PTPRA: variants seen among roughly 807,000 people sequenced by gnomAD.
PTPRA encodes the protein protein tyrosine phosphatase receptor type A.
In PTPRA, 25 loss-of-function variants were observed where a neutral mutation model predicts 104.8. The observed-to-expected ratio is 0.24, with a 90% confidence interval of 0.17 to 0.33. The LOEUF is 0.33. PTPRA is among the 10% of genes least tolerant of loss of function. The probability of loss-of-function intolerance (pLI) is 1.00; values close to 1 mark genes in which losing one functional copy is unlikely to be tolerated. For synonymous variants in PTPRA, 323 were observed against 368.9 expected (o/e 0.88, Z 1.43); for missense variants, 765 against 1,015.3 (o/e 0.75, Z 3.35).
intron 5 of PTPRA, among the ~76,000 whole-genome samples, chr20:2,971,316 T>G (rs889470539): frequency 2.6e-5 from 4 of 152,200 alleles, no homozygotes; most frequent in African/African-American, 9.6e-5. Flanking sequence ...GAAGTCTTTT[T>G]TTTTTAAATC....
intron 3 of PTPRA, among the ~76,000 whole-genome samples, chr20:2,956,799 G>T (rs2061553098): frequency 6.6e-6 from 1 of 152,166 alleles, no homozygotes; most frequent in East Asian, 1.9e-4. Flanking sequence ...GAATAACCTT[G>T]TACATGGGTC....
rs572395134 is a variant in PTPRA at position 3,016,576 on chromosome 20, C to T, written c.943+691C>T. 5.9e-5 allele frequency among the ~76,000 whole-genome samples: 9 copies of T among 152,252 alleles called. No individual in the cohort carries two copies. In the East Asian group the frequency reaches 1.2e-3, roughly 20 times the overall value. The stretch of plus-strand genomic sequence containing the variant: ...CAGCCTGGGCAACATAGTGAAACCC[C>T]GTCTCTACTAAAAATTAGCCAGGCG... On this transcript the variant is annotated intron_variant, in intron 12 of 23. Transcript: ENST00000399903.
rs566621202 is a variant in PTPRA at position 3,037,837 on chromosome 20, G to A, written c.2335-222G>A. Among the ~76,000 whole-genome samples the A allele has an allele frequency of 9.2e-5, 14 of 152,300 alleles. No individual in the cohort carries two copies. The highest frequency in any genetic ancestry group is 9.2e-4 in the Admixed American group (14 of 15,294). On this transcript the variant is annotated intron_variant, in intron 23 of 23. Transcript: ENST00000399903. This position sits in a 1 kb window ranked among gnomAD's most constrained non-coding sequence, Gnocchi z 4.3. ...CCTGTCTGACCTCTGTGGGGCCTGGGTCAGCTCTGGTCAGCTCTGCTTGTA... is the reference window on the plus strand; with the variant it reads ...CCTGTCTGACCTCTGTGGGGCCTGGATCAGCTCTGGTCAGCTCTGCTTGTA...
the PTPRA span, among the ~76,000 whole-genome samples, chr20:2,867,489 AGTG>A: frequency 9.5e-6 from 1 of 105,318 alleles, no homozygotes; most frequent in African/African-American, 4.8e-5. Flanking sequence ...TTGGCACTCC[AGTG>A]CACCCCCTCT....
chr20:2,929,209 C>T (rs2060419740), intron 2 of PTPRA, among the ~76,000 whole-genome samples: 1 of 151,844 alleles, frequency 6.6e-6, no homozygotes, highest in African/African-American at 2.4e-5. Flanking sequence ...GCCTCAGCCT[C>T]CCAAAGTGCT....
intron 6 of PTPRA, among the ~76,000 whole-genome samples, chr20:2,986,231 A>G (rs1386646670): frequency 1.3e-5 from 2 of 152,220 alleles, no homozygotes; most frequent in Non-Finnish European, 2.9e-5. Context: ...AATTAGGAAC[A>G]GTATTCTCTG....
Position 2,965,202 on chromosome 20 carries a change from G to A in PTPRA, c.415G>A (p.Gly139Ser). The A allele has an allele frequency of 2.5e-6, 4 of 1,600,204 alleles. No individual in the cohort carries two copies. Among genetic ancestry groups the A allele is most frequent in the Non-Finnish European group, 3.4e-6 (4 of 1,168,820 alleles). Residue 139 changes from glycine (G) to serine (S), a missense_variant and splice_region_variant, in exon 5 of 24, where the codon GGT becomes AGT. Physicochemically the swap from Gly to Ser is moderately conservative, Grantham distance 56 (BLOSUM62 0). Transcript: ENST00000399903. ...ATTPETFPPS[G>S]NSDSKDRRDE... is the part of the protein sequence containing the mutation. ...CACTCCAGAAACTTTCCCTCCTTCA[G>A]GTACTAGAGATGATTCTGTTTGTTC...
At chr20:2,882,040 C>T (rs186849894) in intron 1 of PTPRA, among the ~76,000 whole-genome samples, 77 of 152,226 alleles carry the variant, frequency 5.1e-4, no homozygotes, top group African/African-American at 1.5e-3. Context: ...ATACCCTTGG[C>T]AGATTCTTCC....
intron 1 of PTPRA, among the ~76,000 whole-genome samples, chr20:2,896,266 CT>C (rs1252518623): frequency 6.6e-6 from 1 of 152,092 alleles, no homozygotes; most frequent in Non-Finnish European, 1.5e-5. Context: ...GTAATCCCAG[CT>C]ACTAGGGAGG....
At chr20:3,023,515 A>G (rs1354383022) in intron 16 of PTPRA, among the ~76,000 whole-genome samples, 2 of 152,240 alleles carry the variant, frequency 1.3e-5, no homozygotes, top group African/African-American at 2.4e-5. Flanking sequence ...GCTGGCGGCA[A>G]TACTGCTCTT....
intron 5 of PTPRA, among the ~76,000 whole-genome samples, chr20:2,974,205 C>T (rs555198809): frequency 2.4e-4 from 36 of 152,004 alleles, no homozygotes; most frequent in African/African-American, 7.7e-4. Flanking sequence ...CTGCCCACTT[C>T]GGCCTCCCAA....
In PTPRA at chr20:2,953,533, G is replaced by A. The variant is rs557113520; in HGVS notation, c.-7+5509G>A. 3.9e-5 allele frequency among the ~76,000 whole-genome samples: 6 copies of A among 152,044 alleles called. No homozygotes were observed. The East Asian group carries it at 7.7e-4, about 20-fold the overall frequency. Reference sequence around the variant, plus strand: ...CTCCCGAAGTGCTGGGATTACAGGCGTGAGCCACTATGCCTGGCCATTTTT... The same window carrying A: ...CTCCCGAAGTGCTGGGATTACAGGCATGAGCCACTATGCCTGGCCATTTTT... On this transcript the variant is annotated intron_variant, in intron 3 of 23. Transcript: ENST00000399903.
At chr20:2,974,246 G>A (rs1201859799) in intron 5 of PTPRA, among the ~76,000 whole-genome samples, 1 of 151,758 alleles carries the variant, frequency 6.6e-6, no homozygotes, top group Non-Finnish European at 1.5e-5. Context: ...GAGCCACCGC[G>A]CCCGGCCGTC....
chr20:2,995,029 C>A (rs909927832), intron 9 of PTPRA, among the ~76,000 whole-genome samples: 3 of 152,272 alleles, frequency 2.0e-5, no homozygotes, highest in African/African-American at 7.2e-5. Context: ...ACTCGGGAGG[C>A]TGAGGCAGGA....
chr20:2,925,287 A>G (rs940329716), intron 2 of PTPRA, among the ~76,000 whole-genome samples: 1 of 152,164 alleles, frequency 6.6e-6, no homozygotes, highest in Non-Finnish European at 1.5e-5. Flanking sequence ...CATATTTGTC[A>G]TTTGACATCT....
At chr20:2,938,525 A>G (rs1174074348) in intron 2 of PTPRA, among the ~76,000 whole-genome samples, 3 of 151,306 alleles carry the variant, frequency 2.0e-5, no homozygotes, top group East Asian at 1.9e-4. Context: ...TTTTTTTTTC[A>G]TCTCTCCATT....
Position 3,031,132 on chromosome 20 carries a change from A to T in PTPRA, c.1920+3291A>T, listed in dbSNP as rs73086699. ...TAGGCCTAGCCCAACCCTAGGCCTC[A>T]TCCTGCTTCTCTAAAGCATAGTGAA... is the stretch of plus-strand genomic sequence containing the variant. On this transcript the variant is annotated intron_variant, in intron 20 of 23. Coordinates refer to ENST00000399903, the MANE Select transcript of PTPRA (RefSeq NM_001385305.1). Among the ~76,000 whole-genome samples the T allele has an allele frequency of 2.7e-3, 416 of 152,248 alleles. 2 individuals carry two copies. The highest frequency in any genetic ancestry group is 0.024 in the Middle Eastern group (7 of 294).
chr20:2,937,609 A>G (rs536776296), intron 2 of PTPRA, among the ~76,000 whole-genome samples: 1 of 152,266 alleles, frequency 6.6e-6, no homozygotes, highest in South Asian at 2.1e-4. Flanking sequence ...TATGCATAAC[A>G]TATATATGGA....
In PTPRA at chr20:3,035,291, CA is replaced by C. The variant is rs1323999658; in HGVS notation, c.1921-291del. ...TGGGAGAAAAAGAAAGGAATTGGAA[CA>C]AAGATTTTCACTCGTCCTCCTCTCC... On this transcript the variant is annotated intron_variant, in intron 20 of 23. Coordinates refer to ENST00000399903, the MANE Select transcript of PTPRA (RefSeq NM_001385305.1). This position sits in a 1 kb window ranked among gnomAD's most constrained non-coding sequence, Gnocchi z 5.8. Among the ~76,000 whole-genome samples the C allele has an allele frequency of 6.6e-6, 1 of 152,086 alleles. No homozygotes were observed. The highest frequency in any genetic ancestry group is 1.5e-5 in the Non-Finnish European group (1 of 68,004).
Sources: gnomAD v4.1 joint callset for allele counts (sites outside exome capture counted in the v4.1 genomes callset) on GRCh38, gnomAD v4.1.1 for gene constraint, Gnocchi (gnomAD v3.1) non-coding constraint, MANE v1.5 for transcripts, NCBI Gene and HGNC (gene_info 2026-07-23, HGNC 2026-07-21) for gene names.